Variants in SMARCA2 observed in about 807,000 individuals in gnomAD.
SMARCA2 encodes SWI/SNF related BAF chromatin remodeling complex subunit ATPase 2, also known as SWI/SNF-related matrix-associated actin-dependent regulator of chromatin subfamily A member 2.
SMARCA2 carries 61 observed loss-of-function variants against 199.8 expected under a neutral mutation model. The ratio of observed to expected loss-of-function variants is 0.31; its 90% CI spans 0.25 to 0.38. The LOEUF is 0.38. Ranked by LOEUF, SMARCA2 falls within the 10% of genes least tolerant of loss-of-function variation. The probability of loss-of-function intolerance (pLI) is 1.00; values close to 1 mark genes in which losing one functional copy is unlikely to be tolerated. For missense variants in SMARCA2, 1,344 were observed against 2,012.2 expected, an observed-to-expected ratio of 0.67 and a Z score of 6.35; for synonymous variants, 935 against 732.0, an observed-to-expected ratio of 1.28 and a Z score of -4.48.
intron 21 of SMARCA2, among the ~76,000 whole-genome samples, chr9:2,097,732 C>G (rs542915293): frequency 6.6e-6 from 1 of 152,132 alleles, no homozygotes; most frequent in Non-Finnish European, 1.5e-5. Context: ...ATGCTATAAG[C>G]AGTGGCTCAC....
At chr9:2,181,527 A>ATGTT (rs1827022077) in intron 29 of SMARCA2, 44 bp from the exon 30 acceptor site, 2 of 910,100 alleles carry the variant, frequency 2.2e-6, no homozygotes, top group African/African-American at 1.6e-5. Context: ...TTCCTCAGTA[A>ATGTT]TGTTTGATGT....
intron 4 of SMARCA2, chr9:2,041,458 C>T (rs1406908025): frequency 7.5e-6 from 3 of 398,456 alleles, no homozygotes; most frequent in Admixed American, 4.4e-5. Flanking sequence ...CAAGGCAGCT[C>T]TCTGGAGCCT....
chr9:2,141,231 C>G (rs1824447438), intron 27 of SMARCA2, among the ~76,000 whole-genome samples: 2 of 152,154 alleles, frequency 1.3e-5, no homozygotes, highest in Admixed American at 1.3e-4. Flanking sequence ...TTGGCCAGTG[C>G]TAGACTGGAA....
Position 2,102,159 on chromosome 9 carries a change from G to GTGTA in SMARCA2, c.3125+546_3125+547insATGT, listed in dbSNP as rs1554626396. Among the ~76,000 whole-genome samples the GTGTA allele has an allele frequency of 4.3e-3, 634 of 148,248 alleles. 22 individuals carry two copies. Among genetic ancestry groups the GTGTA allele is most frequent in the African/African-American group, 0.015 (608 of 39,766 alleles). The stretch of plus-strand genomic sequence containing the variant: ...TGTGTGTGTGTGTGTGTGTGTGTGT[G>GTGTA]TGTGTGGTGTGTTGCAAATTTGAAA... On this transcript the variant is annotated intron_variant, in intron 22 of 33. Coordinates refer to ENST00000349721, the MANE Select transcript of SMARCA2 (RefSeq NM_003070.5).
chr9:2,192,429 A>G (rs191761096), intron 33 of SMARCA2: 180 of 391,248 alleles, frequency 4.6e-4, no homozygotes, highest in African/African-American at 3.6e-3. Context: ...AAAAAGAGAA[A>G]ATATTAGCCA....
chr9:2,105,679 C>T (rs1021471131), intron 23 of SMARCA2, among the ~76,000 whole-genome samples: 21 of 152,292 alleles, frequency 1.4e-4, no homozygotes, highest in Middle Eastern at 6.8e-3. Context: ...TTTATTGTCT[C>T]TTCTCCTTTG....
chr9:2,077,419 A>G (rs912210012), intron 13 of SMARCA2, among the ~76,000 whole-genome samples: 1 of 152,218 alleles, frequency 6.6e-6, no homozygotes, highest in African/African-American at 2.4e-5. Context: ...CTCCACCTGC[A>G]TAAAATGGGG....
intron 28 of SMARCA2, among the ~76,000 whole-genome samples, chr9:2,167,575 C>T (rs766211235): frequency 3.3e-5 from 5 of 152,176 alleles, no homozygotes; most frequent in Non-Finnish European, 5.9e-5. Flanking sequence ...GTGGCAGCCA[C>T]GTGGCTCCTG....
chr9:2,187,396 G>T (rs1021874969), intron 32 of SMARCA2, among the ~76,000 whole-genome samples: 2 of 152,106 alleles, frequency 1.3e-5, no homozygotes, highest in African/African-American at 2.4e-5. Context: ...TCTTAGTGAG[G>T]CATGTTGGCT....
At chr9:2,134,505 A>G (rs533571399) in intron 27 of SMARCA2, among the ~76,000 whole-genome samples, 20 of 152,166 alleles carry the variant, frequency 1.3e-4, no homozygotes, top group African/African-American at 4.8e-4. Flanking sequence ...CTATACCCAC[A>G]TGGCTATTAA....
At chr9:2,066,990 C>T (rs1177571373) in intron 9 of SMARCA2, among the ~76,000 whole-genome samples, 2 of 152,202 alleles carry the variant, frequency 1.3e-5, no homozygotes, top group East Asian at 3.8e-4. Flanking sequence ...GATGTGAGTA[C>T]ATGTGCGCAC....
At chr9:2,108,551 C>T (rs1822858598) in intron 23 of SMARCA2, among the ~76,000 whole-genome samples, 3 of 152,132 alleles carry the variant, frequency 2.0e-5, no homozygotes, top group Admixed American at 1.3e-4. Flanking sequence ...TTTTCAGAAA[C>T]ACAGATGCCA....
intron 27 of SMARCA2, among the ~76,000 whole-genome samples, chr9:2,157,062 G>A (rs1825404548): frequency 6.6e-6 from 1 of 152,182 alleles, no homozygotes; most frequent in Admixed American, 6.5e-5. Context: ...CTGAAATTCT[G>A]CATCCAAAAG....
intron 29 of SMARCA2, among the ~76,000 whole-genome samples, chr9:2,180,997 G>A (rs978418264): frequency 1.3e-5 from 2 of 152,096 alleles, no homozygotes; most frequent in Non-Finnish European, 2.9e-5. Flanking sequence ...ATAAAGGTAT[G>A]TGTGGTTTAC....
rs780692657 is a variant in SMARCA2, at chr9:2,161,788, G to A, written c.4084G>A (p.Glu1362Lys). ...TAAAGATCCTGCAAAAGAAGATGTGGAAAAAGCTAAGAAGAGAAGAGGCCG... is the reference window on the plus strand; with the variant it reads ...TAAAGATCCTGCAAAAGAAGATGTGAAAAAAGCTAAGAAGAGAAGAGGCCG... ...VDKDPAKEDV[E>K]KAKKRRGRPP... Residue 1362 changes from glutamate (E) to lysine (K), a missense_variant, in exon 28 of 34, where the codon GAA (glutamate) becomes AAA (lysine). Glu to Lys is a moderately conservative substitution (Grantham distance 56). Coordinates refer to ENST00000349721, the MANE Select transcript of SMARCA2 (RefSeq NM_003070.5). This position sits in a 1 kb window ranked among gnomAD's most constrained non-coding sequence, Gnocchi z 4.7. 1.2e-6 allele frequency: 2 copies of A among 1,613,944 alleles called. No homozygotes were observed. Among genetic ancestry groups the A allele is most frequent in the Non-Finnish European group, 1.7e-6 (2 of 1,179,904 alleles).
chr9:2,073,861 G>A (rs1021233097), intron 12 of SMARCA2, among the ~76,000 whole-genome samples: 3 of 152,292 alleles, frequency 2.0e-5, no homozygotes, highest in African/African-American at 4.8e-5. Flanking sequence ...AAATTCACTT[G>A]AAACCAAGAG....
intron 30 of SMARCA2, 91 bp from the exon 31 acceptor site, chr9:2,182,050 A>G: frequency 1.1e-6 from 1 of 884,902 alleles, no homozygotes; most frequent in Non-Finnish European, 1.9e-6. Context: ...CTGTGAAGAC[A>G]AAGGGAAAAT....
chr9:2,068,773 C>G (rs1179480498), intron 9 of SMARCA2, among the ~76,000 whole-genome samples: 3 of 151,762 alleles, frequency 2.0e-5, no homozygotes, highest in African/African-American at 4.8e-5. Flanking sequence ...AGCTTTCCAG[C>G]AGTAACTTTA....
Position 2,119,507 on chromosome 9 carries a change from G to A in SMARCA2, c.3734G>A (p.Arg1245Gln). Residue 1245 changes from arginine (R) to glutamine (Q), a missense_variant, in exon 26 of 34, where the codon CGA becomes CAA. This residue lies in a region of SMARCA2 where 36 missense variants were observed against 172.5 expected (regional missense o/e 0.21). Coordinates refer to ENST00000349721, the MANE Select transcript of SMARCA2 (RefSeq NM_003070.5). The surrounding 1 kb of genome is among the most constrained non-coding windows in gnomAD (Gnocchi z 4.6). ...GAGACTCTGAACCAAATGATTGCTC[G>A]ACGAGAAGAAGAATTTGACCTTTTT... ...DDETLNQMIA[R>Q]REEEFDLFMR... The A allele has an allele frequency of 6.2e-7, 1 of 1,612,762 alleles. No individual in the cohort carries two copies. Among genetic ancestry groups the A allele is most frequent in the Non-Finnish European group, 8.5e-7 (1 of 1,178,844 alleles).
Sources: gnomAD v4.1 joint callset for allele counts (sites outside exome capture counted in the v4.1 genomes callset) on GRCh38, gnomAD v4.1.1 for gene constraint, gnomAD v4.1.1 regional missense constraint, Gnocchi (gnomAD v3.1) non-coding constraint, MANE v1.5 for transcripts, NCBI Gene and HGNC (gene_info 2026-07-23, HGNC 2026-07-21) for gene names.